The following PDZD2 variants were observed in gnomAD, a reference collection of about 807,000 sequenced individuals.
The protein encoded by PDZD2 is PDZ domain containing 2.
A neutral mutation model predicts 220.7 loss-of-function variants in PDZD2; 90 were observed. The observed-to-expected ratio is 0.41, with a 90% CI of 0.34 to 0.49. PDZD2 has a LOEUF of 0.49. Ranked by LOEUF, PDZD2 falls within the 20% of genes least tolerant of loss-of-function variation. The pLI is 0.28. For missense variants in PDZD2, 3,174 were observed against 3,608.5 expected, an observed-to-expected ratio of 0.88 and a Z score of 3.08; for synonymous variants, 1,375 against 1,450.5, an observed-to-expected ratio of 0.95 and a Z score of 1.18.
chr5:31,956,556 A>AAT (rs1554013912), intron 2 of PDZD2, among the ~76,000 whole-genome samples: 143 of 146,526 alleles, frequency 9.8e-4, no homozygotes, highest in African/African-American at 3.4e-3. Context: ...CAAAAAAAAA[A>AAT]AAATAAATAA....
Position 31,849,913 on chromosome 5 carries a change from TATATAC to T in PDZD2, c.476+50195_476+50200del, listed in dbSNP as rs1486925568. On this transcript the variant is annotated intron_variant, in intron 2 of 24. Coordinates refer to ENST00000438447, the MANE Select transcript of PDZD2 (RefSeq NM_178140.4). ...ACACATATATATATATACATATATA[TATATAC>T]ATATATATATATACACATATATATA... 1.9e-3 allele frequency among the ~76,000 whole-genome samples: 37 copies of T among 19,960 alleles called. 9 individuals carry two copies. The highest frequency in any genetic ancestry group is 8.6e-3 in the African/African-American group (34 of 3,956). The allele number at this position is 19,960 out of a possible 152,430, so 13.1% of individuals were successfully genotyped here.
At chr5:31,930,779 C>A (rs975886762) in intron 2 of PDZD2, among the ~76,000 whole-genome samples, 4 of 152,014 alleles carry the variant, frequency 2.6e-5, no homozygotes, top group Non-Finnish European at 5.9e-5. Context: ...CCTAAAAAAC[C>A]CACTATGCGA....
chr5:31,658,863 C>A (rs1305589839), intron 1 of PDZD2, among the ~76,000 whole-genome samples: 2 of 152,172 alleles, frequency 1.3e-5, no homozygotes, highest in Admixed American at 6.5e-5. Flanking sequence ...TCGTGATCCG[C>A]CCGCCTCATC....
chr5:32,047,294 G>A (rs745848800), intron 7 of PDZD2, among the ~76,000 whole-genome samples: 20 of 152,198 alleles, frequency 1.3e-4, no homozygotes, highest in Non-Finnish European at 2.5e-4. Flanking sequence ...ACACTGCCCA[G>A]TGTGACAAAG....
rs138380689 is a variant in PDZD2, at chr5:31,730,380, A to C, written c.-360-68509A>C. ...CATGCACACATCAATTACTATTTCC[A>C]CAGGACCTAACTGTATTGTCTATGA... On this transcript the variant is annotated intron_variant, in intron 1 of 24. Transcript: ENST00000438447. Among the ~76,000 whole-genome samples, 24 of 152,216 alleles carry C rather than the reference A, an allele frequency of 1.6e-4. 1 individual carries two copies. In the East Asian group the frequency reaches 3.9e-3, roughly 24 times the overall value.
Position 31,639,647 on chromosome 5 carries a change from G to T in PDZD2, c.-361+210G>T, listed in dbSNP as rs968128304. ...CAAACTCCTCTAGCATCCGGCCGGG[G>T]ACGGGGAGGGCGCAGCCCAGGGGAG... On this transcript the variant is annotated intron_variant, in intron 1 of 24. Transcript: ENST00000438447. The surrounding 1 kb of genome is among the most constrained non-coding windows in gnomAD (Gnocchi z 4.1). 1.2e-4 allele frequency among the ~76,000 whole-genome samples: 18 copies of T among 152,216 alleles called. No individual in the cohort carries two copies. The highest frequency in any genetic ancestry group is 1.9e-4 in the Non-Finnish European group (13 of 68,022).
intron 2 of PDZD2, among the ~76,000 whole-genome samples, chr5:31,916,872 C>T (rs1227919883): frequency 6.6e-6 from 1 of 152,004 alleles, no homozygotes; most frequent in East Asian, 2.0e-4. Flanking sequence ...CTACCAGCAT[C>T]CTTCTGGTTT....
intron 2 of PDZD2, among the ~76,000 whole-genome samples, chr5:31,865,239 C>T (rs1023954442): frequency 1.3e-5 from 2 of 152,152 alleles, no homozygotes; most frequent in Non-Finnish European, 2.9e-5. Flanking sequence ...CCTTCTCCCT[C>T]CAATGTCTTA....
Position 32,089,604 on chromosome 5 carries a change from G to C in PDZD2, c.6156G>C (p.Gln2052His), listed in dbSNP as rs927450744. Reference protein sequence around the residue: ...RNGMSVAGNRQSEPRLASHVA... With the variant: ...RNGMSVAGNRHSEPRLASHVA... ...GCATGTCCGTGGCAGGGAACAGACA[G>C]AGTGAGCCGCGCCTGGCCAGCCATG... The change falls in exon 20 of 25, where the codon CAG (glutamine) becomes CAC (histidine). Residue 2052 changes from glutamine to histidine, a missense_variant. This residue lies in a region of PDZD2 where 1,861 missense variants were observed against 2,001.0 expected (regional missense o/e 0.93). Transcript: ENST00000438447. 1 of 1,612,784 alleles carries C rather than the reference G, an allele frequency of 6.2e-7. No homozygotes were observed. Among genetic ancestry groups the C allele is most frequent in the African/African-American group, 1.3e-5 (1 of 75,078 alleles).
chr5:31,729,527 G>A (rs550923171), intron 1 of PDZD2, among the ~76,000 whole-genome samples: 3 of 152,330 alleles, frequency 2.0e-5, no homozygotes, highest in African/African-American at 7.2e-5. Context: ...CCTGTATAGG[G>A]TGGGAATGGT....
At chr5:32,073,504 C>G (rs561308813) in intron 17 of PDZD2, among the ~76,000 whole-genome samples, 33 of 151,810 alleles carry the variant, frequency 2.2e-4, no homozygotes, top group African/African-American at 8.0e-4. Flanking sequence ...TTAGGTTAAA[C>G]CCTAACAATG....
rs1167786894 is a variant in PDZD2 at position 32,083,194 on chromosome 5, G to GC, written c.3683-3935dup. Reference sequence around the variant, plus strand: ...AGTCCTGTGCTTTTTTTGTCTTTTTGCCAAAAAAAAAAAAAAAATCCACTG... The same window carrying GC: ...AGTCCTGTGCTTTTTTTGTCTTTTTGCCCAAAAAAAAAAAAAAAATCCACTG... On this transcript the variant is annotated intron_variant, in intron 19 of 24. Coordinates refer to ENST00000438447, the MANE Select transcript of PDZD2 (RefSeq NM_178140.4). The surrounding 1 kb of genome is among the most constrained non-coding windows in gnomAD (Gnocchi z 4.1). Among the ~76,000 whole-genome samples, 1 of 121,272 alleles carries GC rather than the reference G, an allele frequency of 8.2e-6. No individual in the cohort carries two copies. The highest frequency in any genetic ancestry group is 1.7e-5 in the Non-Finnish European group (1 of 58,690). 79.6% of individuals were successfully genotyped at this position (121,272 alleles called of 152,430 possible).
chr5:31,750,793 G>A (rs1750911087), intron 1 of PDZD2, among the ~76,000 whole-genome samples: 1 of 152,204 alleles, frequency 6.6e-6, no homozygotes, highest in Non-Finnish European at 1.5e-5. Context: ...CAGGCGCTCA[G>A]TAAATACCTG....
At chr5:31,872,364 C>T (rs1280014161) in intron 2 of PDZD2, among the ~76,000 whole-genome samples, 1 of 152,154 alleles carries the variant, frequency 6.6e-6, no homozygotes, top group Non-Finnish European at 1.5e-5. Context: ...TCTAGCTCTT[C>T]TTCATCTGCC....
intron 4 of PDZD2, among the ~76,000 whole-genome samples, chr5:31,996,414 C>CA (rs1397724428): frequency 6.6e-6 from 1 of 151,754 alleles, no homozygotes; most frequent in African/African-American, 2.4e-5. Context: ...CTGGTGTTTA[C>CA]AAAAAATAAA....
At chr5:31,892,915 G>A (rs1741186027) in intron 2 of PDZD2, among the ~76,000 whole-genome samples, 1 of 152,192 alleles carries the variant, frequency 6.6e-6, no homozygotes, top group Non-Finnish European at 1.5e-5. Context: ...GTGGAGACAG[G>A]TGTGTAGACA....
intron 16 of PDZD2, 79 bp downstream of exon 16, chr5:32,071,497 G>A: frequency 9.0e-7 from 1 of 1,109,170 alleles, no homozygotes; most frequent in Non-Finnish European, 1.4e-6. Flanking sequence ...TCAAGCCGGA[G>A]GGCCCAGTCC....
At chr5:31,962,732 G>A (rs1448332298) in intron 2 of PDZD2, among the ~76,000 whole-genome samples, 1 of 152,174 alleles carries the variant, frequency 6.6e-6, no homozygotes, top group Admixed American at 6.5e-5. Flanking sequence ...TATCTGTGAA[G>A]AGTATTTGTG....
At chr5:31,847,831 CTTAATGCAGAAG>C in intron 2 of PDZD2, 2 of 553,674 alleles carry the variant, frequency 3.6e-6, no homozygotes, top group South Asian at 2.8e-5. Context: ...AAGCAAGGAA[CTTAATGCAGAAG>C]TTAATGCATT....
Sources: gnomAD v4.1 joint callset for allele counts (sites outside exome capture counted in the v4.1 genomes callset) on GRCh38, gnomAD v4.1.1 for gene constraint, gnomAD v4.1.1 regional missense constraint, Gnocchi (gnomAD v3.1) non-coding constraint, MANE v1.5 for transcripts, NCBI Gene and HGNC (gene_info 2026-07-23, HGNC 2026-07-21) for gene names.